The following LIMCH1 variants were observed in gnomAD, a reference collection of about 807,000 sequenced individuals.
The protein encoded by LIMCH1 is LIM and calponin homology domains-containing protein 1.
Under a neutral mutation model 176.5 loss-of-function variants are expected in LIMCH1, and 113 were observed. That is an observed-to-expected ratio of 0.64 (90% confidence interval 0.55 to 0.75). The LOEUF is 0.75. LIMCH1 is among the 30% of genes least tolerant of loss of function. The probability of loss-of-function intolerance (pLI) is 0.00; values close to 1 mark genes in which losing one functional copy is unlikely to be tolerated. For synonymous variants in LIMCH1, 619 were observed against 645.9 expected (o/e 0.96, Z 0.63); for missense variants, 1,674 against 1,814.9 (o/e 0.92, Z 1.41).
intron 1 of LIMCH1, among the ~76,000 whole-genome samples, chr4:41,562,024 T>G (rs1181616302): frequency 1.3e-5 from 2 of 152,134 alleles, no homozygotes; most frequent in Non-Finnish European, 2.9e-5. Flanking sequence ...GCTTGTGGGT[T>G]TGGGGCTTTA....
intron 1 of LIMCH1, among the ~76,000 whole-genome samples, chr4:41,366,164 A>AT (rs1419004030): frequency 1.3e-5 from 2 of 152,198 alleles, no homozygotes; most frequent in East Asian, 3.8e-4. Flanking sequence ...ATGATGATAA[A>AT]AATTATGTTA....
intron 1 of LIMCH1, among the ~76,000 whole-genome samples, chr4:41,469,807 G>A (rs990713513): frequency 6.6e-6 from 1 of 151,748 alleles, no homozygotes; most frequent in Non-Finnish European, 1.5e-5. Flanking sequence ...TCAGCCTCCC[G>A]AGTAGCTGGG....
At chr4:41,457,397 A>C (rs1325805027) in intron 1 of LIMCH1, among the ~76,000 whole-genome samples, 1 of 152,146 alleles carries the variant, frequency 6.6e-6, no homozygotes, top group South Asian at 2.1e-4. Flanking sequence ...AACTGGGTCC[A>C]TTATACCATT....
At chr4:41,422,878 C>T (rs1265030918) in intron 1 of LIMCH1, among the ~76,000 whole-genome samples, 1 of 152,170 alleles carries the variant, frequency 6.6e-6, no homozygotes, top group Admixed American at 6.5e-5. Flanking sequence ...CTGCTTCAGC[C>T]TCCTGAGGAG....
intron 1 of LIMCH1, among the ~76,000 whole-genome samples, chr4:41,419,464 A>G (rs954662653): frequency 2.0e-5 from 3 of 152,008 alleles, no homozygotes; most frequent in Non-Finnish European, 4.4e-5. Flanking sequence ...GTGAGCCACC[A>G]TACCCGGCCA....
At chr4:41,566,540 T>A (rs1236042794) in intron 1 of LIMCH1, among the ~76,000 whole-genome samples, 2 of 152,100 alleles carry the variant, frequency 1.3e-5, no homozygotes, top group African/African-American at 4.8e-5. Flanking sequence ...AAAGAGAGCC[T>A]CAGCATGATG....
chr4:41,586,601 A>G (rs569905633), intron 1 of LIMCH1, among the ~76,000 whole-genome samples: 9 of 152,342 alleles, frequency 5.9e-5, no homozygotes, highest in South Asian at 2.1e-4. Flanking sequence ...TTTTCATTCA[A>G]TTCCCAAAAT....
At chr4:41,549,390 C>A (rs2080064641) in intron 1 of LIMCH1, among the ~76,000 whole-genome samples, 1 of 152,166 alleles carries the variant, frequency 6.6e-6, no homozygotes, top group Non-Finnish European at 1.5e-5. Context: ...GATGTGAAGT[C>A]CGTGCTCATG....
intron 1 of LIMCH1, among the ~76,000 whole-genome samples, chr4:41,598,256 T>A (rs2089282495): frequency 6.6e-6 from 1 of 152,156 alleles, no homozygotes; most frequent in Admixed American, 6.6e-5. Context: ...CCTCCTTAAT[T>A]GTCATTGGTG....
intron 1 of LIMCH1, among the ~76,000 whole-genome samples, chr4:41,444,311 TATACACAC>T (rs769824748): frequency 1.3e-3 from 94 of 71,200 alleles, no homozygotes; most frequent in South Asian, 5.7e-3. Context: ...TGTGTATATA[TATACACAC>T]ACACACACAC....
chr4:41,677,049 G>A (rs1346670001), intron 23 of LIMCH1, among the ~76,000 whole-genome samples: 1 of 151,844 alleles, frequency 6.6e-6, no homozygotes, highest in Non-Finnish European at 1.5e-5. Flanking sequence ...TGTAATTCCT[G>A]CTACTCGGGA....
chr4:41,430,694 A>C (rs900780880), intron 1 of LIMCH1, among the ~76,000 whole-genome samples: 1 of 152,230 alleles, frequency 6.6e-6, no homozygotes, highest in Admixed American at 6.5e-5. Context: ...ATGAAGAAAA[A>C]TTGGCTTTAC....
chr4:41,692,618 A>C, intron 31 of LIMCH1: 1 of 417,392 alleles, frequency 2.4e-6, no homozygotes, highest in Non-Finnish European at 4.4e-6. Flanking sequence ...GCACACCAGC[A>C]GGTCAAAACA....
intron 1 of LIMCH1, among the ~76,000 whole-genome samples, chr4:41,422,118 GA>G (rs1277914154): frequency 6.6e-6 from 1 of 152,056 alleles, no homozygotes. Flanking sequence ...AAACAACAGA[GA>G]GTGAGAGAGA....
chr4:41,678,314 G>A (rs1247329465), intron 23 of LIMCH1, among the ~76,000 whole-genome samples: 1 of 151,944 alleles, frequency 6.6e-6, no homozygotes, highest in Non-Finnish European at 1.5e-5. Context: ...AGTAGTAGGT[G>A]GTAGTGTGGT....
At chr4:41,598,225 T>C (rs988247606) in intron 1 of LIMCH1, among the ~76,000 whole-genome samples, 7 of 152,202 alleles carry the variant, frequency 4.6e-5, no homozygotes, top group African/African-American at 1.7e-4. Flanking sequence ...CTTAATGACT[T>C]AAAATAGATG....
intron 2 of LIMCH1, among the ~76,000 whole-genome samples, chr4:41,510,333 T>G (rs1189087246): frequency 1.3e-5 from 2 of 152,242 alleles, no homozygotes; most frequent in East Asian, 3.8e-4. Flanking sequence ...GATGAGAAAC[T>G]GGCCTAGCCC....
intron 14 of LIMCH1, among the ~76,000 whole-genome samples, chr4:41,643,774 C>A (rs1223236478): frequency 6.6e-6 from 1 of 152,146 alleles, no homozygotes; most frequent in Non-Finnish European, 1.5e-5. Flanking sequence ...GTGTTTTACT[C>A]CTTACTCTTG....
At chr4:41,390,963 G>C (rs138334026) in intron 1 of LIMCH1, among the ~76,000 whole-genome samples, 22 of 152,252 alleles carry the variant, frequency 1.4e-4, no homozygotes, top group African/African-American at 5.1e-4. Context: ...CGTGCCTAAA[G>C]TACCAATTAG....
Sources: gnomAD v4.1 joint callset for allele counts (sites outside exome capture counted in the v4.1 genomes callset) on GRCh38, gnomAD v4.1.1 for gene constraint, MANE v1.5 for transcripts, NCBI Gene and HGNC (gene_info 2026-07-23, HGNC 2026-07-21) for gene names.